Variants in SLC2A3 observed in about 807,000 individuals in gnomAD.
The protein encoded by SLC2A3 is solute carrier family 2 member 3, also known as solute carrier family 2, facilitated glucose transporter member 3.
A neutral mutation model predicts 46.4 loss-of-function variants in SLC2A3; 21 were observed. That is an observed-to-expected ratio of 0.45 (90% confidence interval 0.32 to 0.65). SLC2A3 has a LOEUF of 0.65. Ranked by LOEUF, SLC2A3 falls within the 30% of genes least tolerant of loss-of-function variation. SLC2A3 has a pLI of 0.04. For missense variants in SLC2A3, 499 were observed against 623.3 expected (o/e 0.80, Z 2.12); for synonymous variants, 213 against 239.4 (o/e 0.89, Z 1.02).
chr12:7,926,044 G>A (rs1946091763), intron 6 of SLC2A3, 96 bp from the exon 7 acceptor site: 2 of 1,018,842 alleles, frequency 2.0e-6, no homozygotes, highest in African/African-American at 1.6e-5. Context: ...TGGGTAAGAA[G>A]TCCTTTTTCT....
Position 7,936,111 on chromosome 12 carries a change from T to G in SLC2A3, c.-77A>C. The G allele has an allele frequency of 1.6e-6, 2 of 1,260,298 alleles. 1 individual carries two copies. Among genetic ancestry groups the G allele is most frequent in the Non-Finnish European group, 2.3e-6 (2 of 859,108 alleles). The allele number at this position is 1,260,298 out of a possible 1,614,324, so 78.1% of individuals were successfully genotyped here. ...ACAGCTTTTTCAGCCAACAAAACCTTCAAAATGTCCTTCTCAGCAGCAAGT... is the reference window on the plus strand; with the variant it reads ...ACAGCTTTTTCAGCCAACAAAACCTGCAAAATGTCCTTCTCAGCAGCAAGT... On this transcript the variant is annotated 5_prime_UTR_variant, in exon 1 of 10. Coordinates refer to ENST00000075120, the MANE Select transcript of SLC2A3 (RefSeq NM_006931.3).
At chr12:7,933,488 G>C in intron 2 of SLC2A3, 1 of 458,206 alleles carries the variant, frequency 2.2e-6, no homozygotes, top group African/African-American at 1.9e-5. Flanking sequence ...CCAGCGTTCC[G>C]GGAGTAAGTG....
At position 7,923,903 on chromosome 12, in the gene SLC2A3, AC is replaced by A. The variant is rs1201525271; in HGVS notation, c.1068+506del. Among the ~76,000 whole-genome samples, 3 of 151,572 alleles carry A rather than the reference AC, an allele frequency of 2.0e-5. No individual in the cohort carries two copies. The East Asian group carries it at 5.9e-4, about 30-fold the overall frequency. On this transcript the variant is annotated intron_variant, in intron 8 of 9. Coordinates refer to ENST00000075120, the MANE Select transcript of SLC2A3 (RefSeq NM_006931.3). The stretch of plus-strand genomic sequence containing the variant: ...CCTGCCTCAGCCTCCCAAGTAGCTG[AC>A]ATTAGAGGCATGCACCACCACTCCT...
chr12:7,921,608 A>G lies in SLC2A3; in HGVS notation c.1296T>C (p.Phe432=). ...SAAHYLGAYV[F]IIFTGFLITF... ...TAATGAGGAAGCCGGTGAAGATAATAAAAACGTAGGCTCCTAAATAGTGCT... is the reference window on the plus strand; with the variant it reads ...TAATGAGGAAGCCGGTGAAGATAATGAAAACGTAGGCTCCTAAATAGTGCT... The change falls in exon 10 of 10, where the codon TTT becomes TTC. Residue 432 remains phenylalanine, a synonymous_variant. Coordinates refer to ENST00000075120, the MANE Select transcript of SLC2A3 (RefSeq NM_006931.3). 7 of 1,613,916 alleles carry G rather than the reference A, an allele frequency of 4.3e-6. No individual in the cohort carries two copies. Among genetic ancestry groups the G allele is most frequent in the Non-Finnish European group, 5.9e-6 (7 of 1,179,802 alleles).
At chr12:7,923,337 TA>T (rs911151792) in intron 8 of SLC2A3, 35 of 242,456 alleles carry the variant, frequency 1.4e-4, no homozygotes, top group East Asian at 1.8e-4. Flanking sequence ...CCTGCCTAAT[TA>T]AAAAAAAATT....
rs767999444 is a variant in SLC2A3 at position 7,920,579 on chromosome 12, T to C, written c.*834A>G. ...TCAGTAGCTTTATTATATAGGTATA[T>C]GACTTTTACGAGAAGTTAAAGAGTT... On this transcript the variant is annotated 3_prime_UTR_variant, in exon 10 of 10. Transcript: ENST00000075120. The C allele has an allele frequency of 7.9e-5, 12 of 152,284 alleles. No individual in the cohort carries two copies. The highest frequency in any genetic ancestry group is 1.3e-4 in the Admixed American group (2 of 15,284). The allele number at this position is 152,284 out of a possible 1,614,324, so 9.4% of individuals were successfully genotyped here. A position where few individuals can be genotyped will look rare whatever the true frequency, so the allele number is the denominator to read the frequency against.
At chr12:7,932,889 T>C (rs1946171798) in intron 3 of SLC2A3, 98 bp downstream of exon 3, 1 of 1,515,322 alleles carries the variant, frequency 6.6e-7, no homozygotes, top group African/African-American at 1.4e-5. Context: ...CAAGGTGTTC[T>C]TATTCAAAGG....
At chr12:7,929,493 C>T (rs1946130141) in intron 6 of SLC2A3, 191 bp downstream of exon 6, 1 of 746,278 alleles carries the variant, frequency 1.3e-6, no homozygotes, top group Non-Finnish European at 2.1e-6. Context: ...GAGACACAGT[C>T]TCACTCTGTC....
chr12:7,934,761 A>G (rs779031731), intron 1 of SLC2A3, among the ~76,000 whole-genome samples: 2 of 151,874 alleles, frequency 1.3e-5, no homozygotes, highest in East Asian at 3.9e-4. Flanking sequence ...CGGGCAGATT[A>G]GGCAGCAGGC....
intron 7 of SLC2A3, among the ~76,000 whole-genome samples, chr12:7,924,766 TTC>T (rs1946076626): frequency 6.8e-6 from 1 of 146,706 alleles, no homozygotes. Context: ...AACAGAATTC[TTC>T]TCTGACTTTC....
At position 7,930,477 on chromosome 12, in the gene SLC2A3, C is replaced by T; in HGVS notation, c.673+3G>A. 1 of 1,612,576 alleles carries T rather than the reference C, an allele frequency of 6.2e-7. No homozygotes were observed. The highest frequency in any genetic ancestry group is 8.5e-7 in the Non-Finnish European group (1 of 1,178,920). ...CATGTAGTAAGGTGTGAAGGATACT[C>T]ACTCTGCTTAGCATTCTCCTCTTCT... is the stretch of plus-strand genomic sequence containing the variant. On this transcript the variant is annotated splice_donor_region_variant and intron_variant, in intron 5 of 9. Transcript: ENST00000075120.
rs751166424 is a variant in SLC2A3 at position 7,923,019 on chromosome 12, G to T, written c.1074C>A (p.Asn358Lys). The T allele has an allele frequency of 3.1e-6, 5 of 1,612,784 alleles. No homozygotes were observed. The highest frequency in any genetic ancestry group is 4.2e-6 in the Non-Finnish European group (5 of 1,179,454). ...LMTVSLLLKD[N>K]YNGMSFVCIG... is the part of the protein sequence containing the mutation. ...TACAGACAAAGCTCATCCCATTATA[G>T]TTATCCTGTAAGAGCAAGGAACAGA... Residue 358 changes from asparagine to lysine, a missense_variant, in exon 9 of 10, where the codon AAC becomes AAA. Physicochemically the swap from Asn to Lys is moderately conservative, Grantham distance 94. Coordinates refer to ENST00000075120, the MANE Select transcript of SLC2A3 (RefSeq NM_006931.3).
intron 6 of SLC2A3, among the ~76,000 whole-genome samples, chr12:7,928,119 G>C (rs1467834425): frequency 6.6e-6 from 1 of 151,452 alleles, no homozygotes; most frequent in African/African-American, 2.4e-5. Flanking sequence ...AAAAGGATGG[G>C]CCAGGCGCAG....
At chr12:7,933,743 C>A in intron 2 of SLC2A3, 67 bp downstream of exon 2, 3 of 1,544,662 alleles carry the variant, frequency 1.9e-6, no homozygotes, top group South Asian at 2.3e-5. Context: ...ATTCTGAATT[C>A]CTGAAACCCT....
intron 7 of SLC2A3, among the ~76,000 whole-genome samples, chr12:7,924,878 C>CAA (rs1860741957): frequency 6.6e-6 from 1 of 151,370 alleles, no homozygotes; most frequent in Admixed American, 6.6e-5. Context: ...AGAAACGCTA[C>CAA]AGAGAGGCCA....
intron 1 of SLC2A3, 125 bp from the exon 2 acceptor site, chr12:7,934,027 T>C (rs779761962): frequency 6.5e-5 from 56 of 864,750 alleles, no homozygotes; most frequent in Non-Finnish European, 6.5e-5. Flanking sequence ...GAACATCCAA[T>C]GAGATTTAGG....
At chr12:7,931,920 C>T (rs1322056319) in intron 3 of SLC2A3, among the ~76,000 whole-genome samples, 3 of 140,618 alleles carry the variant, frequency 2.1e-5, no homozygotes, top group Non-Finnish European at 3.0e-5. Flanking sequence ...CTTGGTCTGT[C>T]ACCCAGGCTG....
chr12:7,930,986 T>TG (rs879658496), intron 4 of SLC2A3, among the ~76,000 whole-genome samples: 18 of 151,866 alleles, frequency 1.2e-4, no homozygotes, highest in Admixed American at 1.1e-3. Flanking sequence ...TTAGTAGAGA[T>TG]GGGGTTTCAC....
intron 5 of SLC2A3, 151 bp from the exon 6 acceptor site, chr12:7,930,022 G>A (rs1340366013): frequency 2.1e-6 from 3 of 1,445,388 alleles, no homozygotes; most frequent in Non-Finnish European, 2.7e-6. Flanking sequence ...TTTCACTTTT[G>A]TTGCCCAGGC....
Sources: gnomAD v4.1 joint callset for allele counts (sites outside exome capture counted in the v4.1 genomes callset) on GRCh38, gnomAD v4.1.1 for gene constraint, MANE v1.5 for transcripts, NCBI Gene and HGNC (gene_info 2026-07-23, HGNC 2026-07-21) for gene names.